Variants in TTC28 observed in about 807,000 individuals in gnomAD.
The protein encoded by TTC28 is tetratricopeptide repeat protein 28.
In TTC28, 61 loss-of-function variants were observed where a neutral mutation model predicts 198.0. The observed-to-expected ratio is 0.31, with a 90% CI of 0.25 to 0.38. The LOEUF (loss-of-function observed/expected upper bound fraction) is 0.38, where lower values mean the gene tolerates loss of function less well. TTC28 is among the 10% of genes least tolerant of loss of function. The pLI, the probability that TTC28 is intolerant of heterozygous loss-of-function variation, is 1.00. For missense variants in TTC28, 2,678 were observed against 3,164.0 expected (o/e 0.85, Z 3.69); for synonymous variants, 1,171 against 1,297.8 (o/e 0.90, Z 2.10).
chr22:28,006,533 A>C (rs1256327365), intron 14 of TTC28: 1 of 152,264 alleles, frequency 6.6e-6, no homozygotes, highest in African/African-American at 2.4e-5. Context: ...TAAAAGAGAC[A>C]AATGGCTTCT....
chr22:28,097,830 C>G (rs1942021479), intron 10 of TTC28, among the ~76,000 whole-genome samples: 1 of 152,164 alleles, frequency 6.6e-6, no homozygotes, highest in South Asian at 2.1e-4. Flanking sequence ...TTAACTGGAA[C>G]AGCAGGAACA....
At chr22:28,541,406 G>A (rs1271630620) in intron 2 of TTC28, among the ~76,000 whole-genome samples, 1 of 152,146 alleles carries the variant, frequency 6.6e-6, no homozygotes, top group East Asian at 1.9e-4. Context: ...AGCAGTTCAA[G>A]GTGGCAGGGC....
At chr22:28,266,751 T>C (rs1421545172) in intron 5 of TTC28, among the ~76,000 whole-genome samples, 3 of 152,182 alleles carry the variant, frequency 2.0e-5, no homozygotes, top group Middle Eastern at 3.2e-3. Flanking sequence ...CAAAGATGTA[T>C]AAGCAAAAAT....
intron 2 of TTC28, among the ~76,000 whole-genome samples, chr22:28,574,928 T>A (rs759971324): frequency 1.3e-5 from 2 of 152,202 alleles, no homozygotes; most frequent in South Asian, 4.1e-4. Flanking sequence ...TGATTGTTAA[T>A]CCCTTGTCAG....
rs557357365 is a variant in TTC28, at chr22:28,231,132, C to T, written c.933+65066G>A. Among the ~76,000 whole-genome samples, 142 of 152,198 alleles carry T rather than the reference C, an allele frequency of 9.3e-4. 1 individual carries two copies. The highest frequency in any genetic ancestry group is 3.2e-3 in the African/African-American group (133 of 41,518). ...ACAACTACTGACTACATATCTAGCA[C>T]GTATAGGTACTGTGCTAGAAAGAGA... On this transcript the variant is annotated intron_variant, in intron 5 of 22. Transcript: ENST00000397906.
chr22:28,379,573 G>C lies in TTC28; in HGVS notation c.382-72930C>G, dbSNP rs575867757. On this transcript the variant is annotated intron_variant, in intron 2 of 22. Coordinates refer to ENST00000397906, the MANE Select transcript of TTC28 (RefSeq NM_001145418.2). ...CCACTTATATGAGGTAGCTAGAATA[G>C]TCAAGTTCATAAAGACAGAAAGTAG... is the stretch of plus-strand genomic sequence containing the variant. Among the ~76,000 whole-genome samples the C allele has an allele frequency of 5.9e-5, 9 of 152,266 alleles. No homozygotes were observed. In the South Asian group the frequency reaches 1.9e-3, roughly 32 times the overall value.
chr22:28,231,136 T>C (rs977951981), intron 5 of TTC28, among the ~76,000 whole-genome samples: 6 of 152,186 alleles, frequency 3.9e-5, no homozygotes, highest in African/African-American at 1.4e-4. Context: ...CTAGCACGTA[T>C]AGGTACTGTG....
chr22:28,023,690 T>A (rs1319420256), intron 13 of TTC28, among the ~76,000 whole-genome samples: 1 of 152,162 alleles, frequency 6.6e-6, no homozygotes, highest in Non-Finnish European at 1.5e-5. Flanking sequence ...CAGGAGGTAG[T>A]AAGCTCCCTG....
At chr22:28,198,561 T>C (rs1437810850) in intron 5 of TTC28, among the ~76,000 whole-genome samples, 1 of 152,174 alleles carries the variant, frequency 6.6e-6, no homozygotes, top group Non-Finnish European at 1.5e-5. Flanking sequence ...ATTTTAAAAA[T>C]GCTCAATCAG....
intron 6 of TTC28, among the ~76,000 whole-genome samples, chr22:28,160,880 G>A (rs1248737450): frequency 1.3e-5 from 2 of 152,152 alleles, no homozygotes; most frequent in East Asian, 3.8e-4. Flanking sequence ...CAATGCAGAA[G>A]ATACAGAAGG....
At position 28,161,641 on chromosome 22, in the gene TTC28, G is replaced by A. The variant is rs549991138; in HGVS notation, c.1441+1451C>T. Among the ~76,000 whole-genome samples, 11 of 151,700 alleles carry A rather than the reference G, an allele frequency of 7.3e-5. No homozygotes were observed. In the South Asian group the frequency reaches 1.9e-3, roughly 26 times the overall value. On this transcript the variant is annotated intron_variant, in intron 6 of 22. Coordinates refer to ENST00000397906, the MANE Select transcript of TTC28 (RefSeq NM_001145418.2). ...TATACTCCAGCCAAGGTAATAGATGGAGACCCTGTCTCAAGAAAGAAAGAA... is the reference window on the plus strand; with the variant it reads ...TATACTCCAGCCAAGGTAATAGATGAAGACCCTGTCTCAAGAAAGAAAGAA...
intron 12 of TTC28, among the ~76,000 whole-genome samples, chr22:28,047,909 G>A (rs1451764921): frequency 1.3e-5 from 2 of 152,158 alleles, no homozygotes; most frequent in African/African-American, 2.4e-5. Context: ...CATGAAGGAA[G>A]GGAGGCAACC....
At chr22:28,616,160 A>ATAG (rs1341456426) in intron 2 of TTC28, among the ~76,000 whole-genome samples, 2 of 152,192 alleles carry the variant, frequency 1.3e-5, no homozygotes. Context: ...GTAGTATGGT[A>ATAG]TAGTAATTAA....
At chr22:28,001,230 G>T in intron 15 of TTC28, 144 bp downstream of exon 15, 2 of 1,095,160 alleles carry the variant, frequency 1.8e-6, no homozygotes, top group East Asian at 2.6e-5. Flanking sequence ...CTAAAGTCAC[G>T]CTACCTGCGT....
intron 5 of TTC28, among the ~76,000 whole-genome samples, chr22:28,225,011 C>T (rs764222318): frequency 6.6e-6 from 1 of 152,118 alleles, no homozygotes; most frequent in Non-Finnish European, 1.5e-5. Context: ...AGATCCCGTG[C>T]TCCTTAAACA....
chr22:28,407,455 TACACACACATGCGTGCGCACACAC>T, intron 2 of TTC28, among the ~76,000 whole-genome samples: 1 of 148,070 alleles, frequency 6.8e-6, no homozygotes, highest in African/African-American at 2.5e-5. Context: ...CATACACATA[TACACACACATGCGTGCGCACACAC>T]ACACACACAC....
intron 2 of TTC28, among the ~76,000 whole-genome samples, chr22:28,387,055 C>G (rs1443424325): frequency 3.3e-5 from 5 of 151,706 alleles, no homozygotes; most frequent in Admixed American, 2.0e-4. Flanking sequence ...CACGTGTTCT[C>G]ATTGTTCAAT....
intron 2 of TTC28, among the ~76,000 whole-genome samples, chr22:28,556,176 T>G (rs1013477190): frequency 6.6e-6 from 1 of 152,004 alleles, no homozygotes; most frequent in Middle Eastern, 3.2e-3. Context: ...CTGGCCAACA[T>G]AGTAAAACCC....
intron 2 of TTC28, among the ~76,000 whole-genome samples, chr22:28,395,100 A>G (rs137997351): frequency 2.6e-5 from 4 of 152,336 alleles, no homozygotes; most frequent in African/African-American, 9.6e-5. Context: ...TCTGGAGATC[A>G]AAAGTACATT....
Sources: allele counts gnomAD v4.1 joint callset (sites outside exome capture counted in the v4.1 genomes callset), GRCh38; gene constraint gnomAD v4.1.1; transcripts MANE v1.5; gene names NCBI Gene and HGNC (gene_info 2026-07-23, HGNC 2026-07-21).